Variants in CEP170 observed in about 807,000 individuals in gnomAD.
CEP170 encodes the protein centrosomal protein 170.
CEP170 carries 21 observed loss-of-function variants against 151.9 expected under a neutral mutation model. The observed-to-expected ratio is 0.14, with a 90% CI of 0.10 to 0.20. The LOEUF is 0.20. Among genes scored for constraint, CEP170 ranks in the 10% least tolerant of loss-of-function variants. The pLI, the probability that CEP170 is intolerant of heterozygous loss-of-function variation, is 1.00. For missense variants in CEP170, 964 were observed against 1,892.9 expected (o/e 0.51, Z 9.11); for synonymous variants, 356 against 648.8 (o/e 0.55, Z 6.86).
At chr1:243,187,625 A>G (rs1286147618) in intron 8 of CEP170, among the ~76,000 whole-genome samples, 2 of 152,326 alleles carry the variant, frequency 1.3e-5, no homozygotes, top group East Asian at 3.9e-4. Context: ...ACCAAACAAA[A>G]TAATGATCAG....
intron 7 of CEP170, among the ~76,000 whole-genome samples, chr1:243,193,458 C>T (rs1203353923): frequency 6.6e-6 from 1 of 151,590 alleles, no homozygotes; most frequent in Non-Finnish European, 1.5e-5. Flanking sequence ...CACAGAGAGC[C>T]AAATAAAACT....
intron 1 of CEP170, among the ~76,000 whole-genome samples, chr1:243,244,146 T>C (rs2065130124): frequency 6.6e-6 from 1 of 152,096 alleles, no homozygotes; most frequent in Non-Finnish European, 1.5e-5. Context: ...TTGAAATGCA[T>C]CAAAATACAA....
At chr1:243,170,613 G>A (rs1272581594) in intron 11 of CEP170, among the ~76,000 whole-genome samples, 3 of 152,188 alleles carry the variant, frequency 2.0e-5, no homozygotes, top group African/African-American at 7.2e-5. Context: ...GGCCAACATG[G>A]CGAAACCTCG....
intron 2 of CEP170, 133 bp from the exon 3 acceptor site, chr1:243,221,946 G>C: frequency 1.4e-6 from 1 of 693,336 alleles, no homozygotes; most frequent in Non-Finnish European, 2.2e-6. Context: ...GATTAAATGA[G>C]ATTAAAACGG....
At chr1:243,164,228 A>G in intron 13 of CEP170, 56 bp downstream of exon 13, 1 of 1,318,786 alleles carries the variant, frequency 7.6e-7, no homozygotes, top group Non-Finnish European at 9.7e-7. Context: ...AAAAAAAAAA[A>G]GGAGCCCCCA....
chr1:243,222,722 T>C (rs547849863), intron 2 of CEP170, among the ~76,000 whole-genome samples: 1 of 152,274 alleles, frequency 6.6e-6, no homozygotes, highest in African/African-American at 2.4e-5. Flanking sequence ...ATCTTCATAA[T>C]AAGAAAAATG....
chr1:243,164,616 T>C lies in CEP170; in HGVS notation c.3344A>G (p.Glu1115Gly). The change falls in exon 13 of 20, where the codon GAA becomes GGA. Residue 1115 changes from glutamate (E) to glycine (G), a missense_variant. Physicochemically the swap from Glu to Gly is moderately conservative, Grantham distance 98. Transcript: ENST00000366542. ...AGATGCTTTGTCAGCATCAGCAAGT[T>C]CACTGTCTGAAGCTTCACCAAGTCG... is the stretch of plus-strand genomic sequence containing the variant. ...RARLGEASDS[E>G]LADADKASVA... 1 of 1,613,764 alleles carries C rather than the reference T, an allele frequency of 6.2e-7. No homozygotes were observed. The highest frequency in any genetic ancestry group is 1.1e-5 in the South Asian group (1 of 91,076).
At chr1:243,153,160 A>G (rs2057265892) in intron 14 of CEP170, among the ~76,000 whole-genome samples, 1 of 152,248 alleles carries the variant, frequency 6.6e-6, no homozygotes, top group South Asian at 2.1e-4. Context: ...GTGAAGCCTG[A>G]ATATGGGACT....
intron 1 of CEP170, among the ~76,000 whole-genome samples, chr1:243,249,389 T>A (rs990607692): frequency 2.0e-5 from 3 of 151,226 alleles, no homozygotes; most frequent in Non-Finnish European, 4.4e-5. Flanking sequence ...CTGTACCCCA[T>A]CCTGGGCGAC....
intron 3 of CEP170, among the ~76,000 whole-genome samples, chr1:243,220,347 G>A (rs1371364100): frequency 6.6e-6 from 1 of 151,936 alleles, no homozygotes; most frequent in African/African-American, 2.4e-5. Context: ...GGTGGATAAT[G>A]CTAAATGTGA....
chr1:243,246,248 T>TTTTTTTTTTTTTTTTC (rs1558152110), intron 1 of CEP170, among the ~76,000 whole-genome samples: 1 of 149,174 alleles, frequency 6.7e-6, no homozygotes, highest in African/African-American at 2.5e-5. Context: ...TTTTTTTTTT[T>TTTTTTTTTTTTTTTTC]TGAGACAGAG....
chr1:243,231,737 T>C (rs1215959367), intron 1 of CEP170, among the ~76,000 whole-genome samples: 2 of 151,932 alleles, frequency 1.3e-5, no homozygotes. Flanking sequence ...TACAAAAAAG[T>C]TCAATTTTTA....
At chr1:243,134,607 C>A (rs2054810019) in intron 17 of CEP170, among the ~76,000 whole-genome samples, 1 of 151,978 alleles carries the variant, frequency 6.6e-6, no homozygotes, top group South Asian at 2.1e-4. Flanking sequence ...CAGTGATCCT[C>A]CGATTTCAGC....
chr1:243,128,810 G>A (rs1215395775), intron 18 of CEP170: 12 of 152,930 alleles, frequency 7.8e-5, no homozygotes, highest in Admixed American at 2.0e-4. Context: ...CAAGTGATCC[G>A]CCCTCCTTGG....
intron 1 of CEP170, among the ~76,000 whole-genome samples, chr1:243,250,972 C>T (rs2065883868): frequency 1.3e-5 from 2 of 152,180 alleles, no homozygotes; most frequent in South Asian, 4.1e-4. Context: ...CTGATTGAAT[C>T]CAGCTGAGAG....
chr1:243,214,707 T>C lies in CEP170; in HGVS notation c.196-2743A>G, dbSNP rs142814421. ...GGAATCAACATTTATAAGATGGATA[T>C]ATGTTCCAGGTGAATACATGTCAAC... On this transcript the variant is annotated intron_variant, in intron 3 of 19. Coordinates refer to ENST00000366542, the MANE Select transcript of CEP170 (RefSeq NM_014812.3). Among the ~76,000 whole-genome samples, 441 of 152,306 alleles carry C rather than the reference T, an allele frequency of 2.9e-3. 3 individuals are homozygous for C. Among genetic ancestry groups the C allele is most frequent in the Non-Finnish European group, 4.9e-3 (331 of 68,026 alleles).
At chr1:243,242,523 G>A (rs758495786) in intron 1 of CEP170, among the ~76,000 whole-genome samples, 3 of 151,782 alleles carry the variant, frequency 2.0e-5, no homozygotes, top group Non-Finnish European at 4.4e-5. Flanking sequence ...CGGCCAATGA[G>A]TTATGTTCTA....
chr1:243,171,216 A>G (rs2058820761), intron 11 of CEP170, among the ~76,000 whole-genome samples: 1 of 152,224 alleles, frequency 6.6e-6, no homozygotes, highest in Non-Finnish European at 1.5e-5. Flanking sequence ...CAATAAGTAA[A>G]TTAAGTATCT....
chr1:243,158,875 T>G (rs1044300386), intron 13 of CEP170, among the ~76,000 whole-genome samples: 1 of 151,972 alleles, frequency 6.6e-6, no homozygotes, highest in Non-Finnish European at 1.5e-5. Context: ...GGGACCCTCC[T>G]GGCCAACATG....
Sources: allele counts gnomAD v4.1 joint callset (sites outside exome capture counted in the v4.1 genomes callset), GRCh38; gene constraint gnomAD v4.1.1; transcripts MANE v1.5; gene names NCBI Gene and HGNC (gene_info 2026-07-23, HGNC 2026-07-21).